TAT: variants seen among roughly 807,000 people sequenced by gnomAD.
TAT encodes the protein L-tyrosine:2-oxoglutarate aminotransferase.
TAT carries 35 observed loss-of-function variants against 53.6 expected under a neutral mutation model. The observed-to-expected ratio is 0.65, with a 90% confidence interval of 0.50 to 0.87. The LOEUF (loss-of-function observed/expected upper bound fraction) is 0.87, where lower values mean the gene tolerates loss of function less well. Ranked by LOEUF, TAT falls within the 40% of genes least tolerant of loss-of-function variation. TAT has a pLI of 0.00. For missense variants in TAT, 525 were observed against 571.8 expected (o/e 0.92, Z 0.83); for synonymous variants, 197 against 206.5 (o/e 0.95, Z 0.39).
intron 3 of TAT, among the ~76,000 whole-genome samples, 179 bp from the exon 4 acceptor site, chr16:71,573,785 C>A (rs890403219): frequency 1.3e-5 from 2 of 152,168 alleles, no homozygotes; most frequent in South Asian, 4.1e-4. Flanking sequence ...CGTGCTCCCC[C>A]ACATTCAGCT....
At chr16:71,568,641 A>C in intron 11 of TAT, 70 bp downstream of exon 11, 1 of 1,234,834 alleles carries the variant, frequency 8.1e-7, no homozygotes, top group Non-Finnish European at 1.2e-6. Context: ...TCAGGCTAAA[A>C]ACCAGCTCAG....
intron 6 of TAT, 128 bp from the exon 7 acceptor site, chr16:71,571,786 A>C: frequency 3.2e-6 from 3 of 938,262 alleles, no homozygotes; most frequent in Non-Finnish European, 5.0e-6. Flanking sequence ...GAAAGACAAA[A>C]AGCACAAGCA....
Position 71,576,169 on chromosome 16 carries a change from T to C in TAT, c.235+12A>G, listed in dbSNP as rs1300033275. 1.9e-6 allele frequency: 3 copies of C among 1,613,270 alleles called. No individual in the cohort carries two copies. The highest frequency in any genetic ancestry group is 2.5e-6 in the Non-Finnish European group (3 of 1,179,578). ...GGACAATGACAGCCCCTCAGTAGTGTCCCCAACTCACCAATGGACAGGGAA... is the reference window on the plus strand; with the variant it reads ...GGACAATGACAGCCCCTCAGTAGTGCCCCCAACTCACCAATGGACAGGGAA... On this transcript the variant is annotated intron_variant, in intron 2 of 11. Transcript: ENST00000355962.
intron 3 of TAT, chr16:71,575,111 A>G (rs1232624934): frequency 6.6e-6 from 1 of 152,204 alleles, no homozygotes; most frequent in Non-Finnish European, 1.5e-5. Context: ...TTTTTGTTGT[A>G]TGAAACTTTA....
intron 3 of TAT, chr16:71,575,574 T>G: frequency 7.9e-6 from 3 of 379,506 alleles, no homozygotes; most frequent in Non-Finnish European, 1.0e-5. Context: ...AGTAAATCCA[T>G]TTAGGACCTA....
At chr16:71,575,094 G>A (rs1388326399) in intron 3 of TAT, 1 of 152,032 alleles carries the variant, frequency 6.6e-6, no homozygotes, top group African/African-American at 2.4e-5. Flanking sequence ...TCTTGATTTT[G>A]CTTTTATTTT....
In TAT at chr16:71,568,034, G is replaced by T; in HGVS notation, c.*110C>A. On this transcript the variant is annotated 3_prime_UTR_variant, in exon 12 of 12. Coordinates refer to ENST00000355962, the MANE Select transcript of TAT (RefSeq NM_000353.3). ...GGAACAATCTTGAACCCTTGACATG[G>T]TGCATTTGAGGCCCCTCTCCCAGTA... The T allele has an allele frequency of 7.7e-7, 1 of 1,290,326 alleles. No individual in the cohort carries two copies. Among genetic ancestry groups the T allele is most frequent in the Non-Finnish European group, 1.1e-6 (1 of 892,524 alleles). 79.9% of individuals were successfully genotyped at this position (1,290,326 alleles called of 1,614,324 possible). A position where few individuals can be genotyped will look rare whatever the true frequency, so the allele number is the denominator to read the frequency against.
At chr16:71,570,481 A>C (rs1049674744) in intron 8 of TAT, 84 bp from the exon 9 acceptor site, 1 of 1,611,224 alleles carries the variant, frequency 6.2e-7, no homozygotes, top group Non-Finnish European at 8.5e-7. Context: ...CCTTTCTATC[A>C]GGTTTTTAAT....
chr16:71,571,280 CT>C lies in TAT; in HGVS notation c.759+325del, dbSNP rs1298524280. On this transcript the variant is annotated intron_variant, in intron 7 of 11. Transcript: ENST00000355962. ...CCCAGAGCTGTCTAGGATAGTACCC[CT>C]AATCAAGAATATTAACATTTCTGCC... 3.9e-5 allele frequency among the ~76,000 whole-genome samples: 6 copies of C among 152,306 alleles called. No individual in the cohort carries two copies. In the South Asian group the frequency reaches 1.0e-3, roughly 26 times the overall value.
At position 71,567,276 on chromosome 16, in the gene TAT, GCTCA is replaced by G. The variant is rs2044169906; in HGVS notation, c.*864_*867del. The G allele has an allele frequency of 6.6e-6, 1 of 152,318 alleles. No homozygotes were observed. The highest frequency in any genetic ancestry group is 6.5e-5 in the Admixed American group (1 of 15,290). 9.4% of individuals were successfully genotyped at this position (152,318 alleles called of 1,614,324 possible). Reference sequence around the variant, plus strand: ...ATACAAAAATTAGCCGGGCATGGTGGCTCACGCCTGTAGTCCCAACTGCTTGGGA... The same window carrying G: ...ATACAAAAATTAGCCGGGCATGGTGGCGCCTGTAGTCCCAACTGCTTGGGA... On this transcript the variant is annotated 3_prime_UTR_variant, in exon 12 of 12. Coordinates refer to ENST00000355962, the MANE Select transcript of TAT (RefSeq NM_000353.3).
At chr16:71,574,581 C>CAAAAA (rs71389677) in intron 3 of TAT, among the ~76,000 whole-genome samples, 47 of 79,720 alleles carry the variant, frequency 5.9e-4, no homozygotes, top group African/African-American at 8.0e-4. Flanking sequence ...AACTTCGTCT[C>CAAAAA]AAAAAAAAAA....
chr16:71,566,764 C>T lies in TAT; in HGVS notation c.*1380G>A, dbSNP rs1045384602. 13 of 151,166 alleles carry T rather than the reference C, an allele frequency of 8.6e-5. No individual in the cohort carries two copies. The highest frequency in any genetic ancestry group is 3.2e-4 in the African/African-American group (13 of 41,134). 9.4% of individuals were successfully genotyped at this position (151,166 alleles called of 1,614,324 possible). ...ACATTTACAAAGAAGTAAATGAAAC[C>T]TCATAGGTAATGAAACAATGAGACT... On this transcript the variant is annotated 3_prime_UTR_variant, in exon 12 of 12. Transcript: ENST00000355962.
Position 71,570,638 on chromosome 16 carries a change from A to G in TAT, c.912+41T>C, listed in dbSNP as rs768264931. 1.1e-5 allele frequency: 18 copies of G among 1,613,708 alleles called. No homozygotes were observed. The African/African-American group carries it at 2.1e-4, about 19-fold the overall frequency. On this transcript the variant is annotated intron_variant, in intron 8 of 11. Transcript: ENST00000355962. ...TCCCCACTGTGCTCATGAAATAAATATATACCCTAAATTACACATACTCTT... is the reference window on the plus strand; with the variant it reads ...TCCCCACTGTGCTCATGAAATAAATGTATACCCTAAATTACACATACTCTT...
intron 3 of TAT, among the ~76,000 whole-genome samples, chr16:71,574,581 CAAAAAAA>C (rs71389677): frequency 2.3e-3 from 180 of 79,812 alleles, no homozygotes; most frequent in Non-Finnish European, 3.1e-3. Context: ...AACTTCGTCT[CAAAAAAA>C]AAAAAAAAAA....
intron 7 of TAT, among the ~76,000 whole-genome samples, chr16:71,571,393 A>G (rs2044202192): frequency 6.6e-6 from 1 of 152,250 alleles, no homozygotes; most frequent in Non-Finnish European, 1.5e-5. Context: ...AGGTTTTGTA[A>G]CCAAATGAAT....
At position 71,568,031 on chromosome 16, in the gene TAT, A is replaced by G; in HGVS notation, c.*113T>C. On this transcript the variant is annotated 3_prime_UTR_variant, in exon 12 of 12. Coordinates refer to ENST00000355962, the MANE Select transcript of TAT (RefSeq NM_000353.3). ...GCAGGAACAATCTTGAACCCTTGAC[A>G]TGGTGCATTTGAGGCCCCTCTCCCA... is the stretch of plus-strand genomic sequence containing the variant. 7.9e-7 allele frequency: 1 copy of G among 1,260,950 alleles called. No homozygotes were observed. Among genetic ancestry groups the G allele is most frequent in the Middle Eastern group, 2.3e-4 (1 of 4,336 alleles). The allele number at this position is 1,260,950 out of a possible 1,614,324, so 78.1% of individuals were successfully genotyped here.
chr16:71,575,636 A>G (rs964344909), intron 3 of TAT: 15 of 474,082 alleles, frequency 3.2e-5, no homozygotes, highest in Non-Finnish European at 5.4e-5. Flanking sequence ...TCAGATTAGA[A>G]TTAGTAATGA....
chr16:71,568,821 G>A lies in TAT; in HGVS notation c.1126-12C>T. 6.2e-7 allele frequency: 1 copy of A among 1,607,724 alleles called. No individual in the cohort carries two copies. Among genetic ancestry groups the A allele is most frequent in the Non-Finnish European group, 8.5e-7 (1 of 1,174,872 alleles). On this transcript the variant is annotated splice_polypyrimidine_tract_variant and intron_variant, in intron 10 of 11. Coordinates refer to ENST00000355962, the MANE Select transcript of TAT (RefSeq NM_000353.3). The stretch of plus-strand genomic sequence containing the variant: ...ATCTCAATTCCAACCTATACCAACA[G>A]GAGGGAGAGGCCAACTTATCAGAAG...
In TAT at chr16:71,570,263, C is replaced by T. The variant is rs781157107; in HGVS notation, c.1041+6G>A. ...TCCCAAAGTGGAGGGCAGGAGCTGC[C>T]CTTACCTTGAGGAAGCTCAGAGTGT... On this transcript the variant is annotated splice_donor_region_variant and intron_variant, in intron 9 of 11. Coordinates refer to ENST00000355962, the MANE Select transcript of TAT (RefSeq NM_000353.3). 31 of 1,614,150 alleles carry T rather than the reference C, an allele frequency of 1.9e-5. No homozygotes were observed. In the South Asian group the frequency reaches 2.2e-4, roughly 11 times the overall value.
Sources: gnomAD v4.1 joint callset for allele counts (sites outside exome capture counted in the v4.1 genomes callset) on GRCh38, gnomAD v4.1.1 for gene constraint, MANE v1.5 for transcripts, NCBI Gene and HGNC (gene_info 2026-07-23, HGNC 2026-07-21) for gene names.